Variants in STK17B observed in about 807,000 individuals in gnomAD.
The protein encoded by STK17B is serine/threonine-protein kinase 17B.
Under a neutral mutation model 42.0 loss-of-function variants are expected in STK17B, and 21 were observed. The observed-to-expected ratio is 0.50, with a 90% CI of 0.35 to 0.72. The LOEUF is 0.72. Ranked by LOEUF, STK17B falls within the 30% of genes least tolerant of loss-of-function variation. STK17B has a pLI of 0.00. For synonymous variants in STK17B, 143 were observed against 148.4 expected (o/e 0.96, Z 0.26); for missense variants, 349 against 446.0 (o/e 0.78, Z 1.96).
intron 3 of STK17B, chr2:196,156,197 T>C: frequency 6.0e-6 from 2 of 331,474 alleles, no homozygotes; most frequent in East Asian, 1.0e-4. Flanking sequence ...GTATATTCAT[T>C]TCTCCACATT....
chr2:196,138,217 C>A (rs1261934760), intron 7 of STK17B, among the ~76,000 whole-genome samples: 1 of 152,194 alleles, frequency 6.6e-6, no homozygotes, highest in Non-Finnish European at 1.5e-5. Context: ...CATATACATA[C>A]ACAAACATAT....
At chr2:196,144,486 C>CAAAAAAAA (rs869118381) in intron 4 of STK17B, among the ~76,000 whole-genome samples, 2 of 55,958 alleles carry the variant, frequency 3.6e-5, no homozygotes, top group African/African-American at 6.3e-5. Flanking sequence ...GACTCTGTCT[C>CAAAAAAAA]AAAAAAAAAA....
chr2:196,170,998 C>G (rs1419021308), intron 1 of STK17B: 1 of 152,902 alleles, frequency 6.5e-6, no homozygotes, highest in Non-Finnish European at 1.5e-5. Context: ...CCTGGCGCGA[C>G]CTGGGGAGAG....
At chr2:196,138,970 T>C (rs1003093125) in intron 7 of STK17B, among the ~76,000 whole-genome samples, 1 of 152,082 alleles carries the variant, frequency 6.6e-6, no homozygotes, top group African/African-American at 2.4e-5. Context: ...ATTATTTTAT[T>C]TTATTTATTT....
chr2:196,164,038 C>CAATAAATAAATAAATAAATA (rs60492880), intron 1 of STK17B, among the ~76,000 whole-genome samples: 72 of 146,170 alleles, frequency 4.9e-4, no homozygotes, highest in Non-Finnish European at 5.8e-4. Flanking sequence ...GATCTTATCT[C>CAATAAATAAATAAATAAATA]AATAAATAAA....
At position 196,134,182 on chromosome 2, in the gene STK17B, T is replaced by A. The variant is rs1699361918; in HGVS notation, c.*3265A>T. The A allele has an allele frequency of 6.6e-6, 1 of 152,192 alleles. No homozygotes were observed. The highest frequency in any genetic ancestry group is 2.1e-4 in the South Asian group (1 of 4,824). 9.4% of individuals were successfully genotyped at this position (152,192 alleles called of 1,614,324 possible). A position where few individuals can be genotyped will look rare whatever the true frequency, so the allele number is the denominator to read the frequency against. On this transcript the variant is annotated 3_prime_UTR_variant, in exon 8 of 8. Transcript: ENST00000263955. ...ACATCACTAATCATACTGGCTCAGT[T>A]GACTTTTTTTAAATAACAAGACTTC...
Position 196,137,269 on chromosome 2 carries a change from A to G in STK17B, c.*178T>C, listed in dbSNP as rs373163472. The G allele has an allele frequency of 2.6e-5, 16 of 616,136 alleles. 1 individual carries two copies. The highest frequency in any genetic ancestry group is 5.9e-5 in the East Asian group (2 of 33,972). The allele number at this position is 616,136 out of a possible 1,614,324, so 38.2% of individuals were successfully genotyped here. A position where few individuals can be genotyped will look rare whatever the true frequency, so the allele number is the denominator to read the frequency against. ...TTCTTATCTGCAGAGCTATCTCAGG[A>G]TATGAAATCATAACATGCTAGCAAC... is the stretch of plus-strand genomic sequence containing the variant. On this transcript the variant is annotated 3_prime_UTR_variant, in exon 8 of 8. Transcript: ENST00000263955.
intron 7 of STK17B, among the ~76,000 whole-genome samples, chr2:196,138,098 C>T (rs565070748): frequency 9.2e-5 from 14 of 152,270 alleles, no homozygotes; most frequent in Non-Finnish European, 2.1e-4. Context: ...TTGACTCTAT[C>T]GTCTGTGCTT....
intron 2 of STK17B, 128 bp downstream of exon 2, chr2:196,163,134 C>A: frequency 8.7e-7 from 1 of 1,155,556 alleles, no homozygotes; most frequent in South Asian, 1.4e-5. Flanking sequence ...TAGGTAACAG[C>A]AACAGAGATC....
intron 3 of STK17B, chr2:196,153,443 T>C (rs1335472524): frequency 1.3e-5 from 2 of 152,146 alleles, no homozygotes; most frequent in African/African-American, 4.8e-5. Flanking sequence ...AACCTTGTAG[T>C]GGTGGACTTG....
chr2:196,138,721 G>A (rs1031268280), intron 7 of STK17B, among the ~76,000 whole-genome samples: 1 of 151,960 alleles, frequency 6.6e-6, no homozygotes, highest in Non-Finnish European at 1.5e-5. Context: ...AACTATAGGT[G>A]CATGCCACCA....
At chr2:196,168,343 G>A (rs1699896129) in intron 1 of STK17B, among the ~76,000 whole-genome samples, 1 of 152,200 alleles carries the variant, frequency 6.6e-6, no homozygotes, top group Non-Finnish European at 1.5e-5. Context: ...AGGATAAAAG[G>A]TTGAAAAACG....
In STK17B at chr2:196,143,548, G is replaced by A. The variant is rs780441918; in HGVS notation, c.607+12C>T. The A allele has an allele frequency of 5.7e-6, 9 of 1,586,240 alleles. No individual in the cohort carries two copies. The highest frequency in any genetic ancestry group is 6.0e-6 in the Non-Finnish European group (7 of 1,170,008). ...TTTCAAAATGGTATAGAAAATAAAA[G>A]GAAATTCTTACCTAAATATTCTGGT... On this transcript the variant is annotated intron_variant, in intron 5 of 7. Transcript: ENST00000263955.
chr2:196,166,734 GGCC>G, intron 1 of STK17B, among the ~76,000 whole-genome samples: 1 of 151,994 alleles, frequency 6.6e-6, no homozygotes, highest in Non-Finnish European at 1.5e-5. Flanking sequence ...GCTTGATCTG[GGCC>G]TTCACTTACT....
upstream of STK17B, among the ~76,000 whole-genome samples, chr2:196,174,582 C>T (rs73048491): frequency 0.04 from 6,017 of 152,280 alleles, 374 homozygotes; most frequent in African/African-American, 0.13. Context: ...GGTAGCCAGA[C>T]GCAGGCAAGG....
chr2:196,170,431 T>C (rs1699925197), intron 1 of STK17B, among the ~76,000 whole-genome samples: 1 of 152,232 alleles, frequency 6.6e-6, no homozygotes, highest in Admixed American at 6.5e-5. Flanking sequence ...TAAATATTAG[T>C]GAAATCTGAT....
Position 196,143,059 on chromosome 2 carries a change from C to T in STK17B, c.607+501G>A, listed in dbSNP as rs182755926. On this transcript the variant is annotated intron_variant, in intron 5 of 7. Transcript: ENST00000263955. ...CTACTTTCACAACCCTATGCAAAAC[C>T]TCATATTCTAAAGCAGCAGCAATAA... Among the ~76,000 whole-genome samples the T allele has an allele frequency of 2.3e-3, 348 of 152,264 alleles. 3 individuals are homozygous for T. The highest frequency in any genetic ancestry group is 0.01 in the Middle Eastern group (3 of 294).
chr2:196,138,878 C>T (rs948001754), intron 7 of STK17B, among the ~76,000 whole-genome samples: 1 of 149,652 alleles, frequency 6.7e-6, no homozygotes, highest in African/African-American at 2.5e-5. Flanking sequence ...TCAGCTGACT[C>T]GCTTCTTTTG....
At chr2:196,152,430 T>C (rs1186250556) in intron 3 of STK17B, among the ~76,000 whole-genome samples, 2 of 152,228 alleles carry the variant, frequency 1.3e-5, no homozygotes, top group Non-Finnish European at 2.9e-5. Context: ...TTAAAAGTGA[T>C]TGTGTGCTGC....
Sources: gnomAD v4.1 joint callset for allele counts (sites outside exome capture counted in the v4.1 genomes callset) on GRCh38, gnomAD v4.1.1 for gene constraint, MANE v1.5 for transcripts, NCBI Gene and HGNC (gene_info 2026-07-23, HGNC 2026-07-21) for gene names.